SEH1L: variants seen among roughly 807,000 people sequenced by gnomAD.
The protein encoded by SEH1L is nucleoporin SEH1.
A neutral mutation model predicts 49.5 loss-of-function variants in SEH1L; 18 were observed. The ratio of observed to expected loss-of-function variants is 0.36; its 90% CI spans 0.25 to 0.54. The LOEUF (loss-of-function observed/expected upper bound fraction) is 0.54, where lower values mean the gene tolerates loss of function less well. Ranked by LOEUF, SEH1L falls within the 20% of genes least tolerant of loss-of-function variation. SEH1L has a pLI of 0.87. For synonymous variants in SEH1L, 169 were observed against 178.1 expected, an observed-to-expected ratio of 0.95 and a Z score of 0.41; for missense variants, 404 against 528.8, an observed-to-expected ratio of 0.76 and a Z score of 2.31.
Position 12,980,997 on chromosome 18 carries a change from G to A in SEH1L, c.762-1521G>A, listed in dbSNP as rs543994294. Among the ~76,000 whole-genome samples the A allele has an allele frequency of 7.9e-3, 1,194 of 151,094 alleles. 14 individuals are homozygous for A. Among genetic ancestry groups the A allele is most frequent in the African/African-American group, 0.028 (1,144 of 41,128 alleles). ...TCACTTCCCAGACGGGGTGGCTGCCGGGCGGAGGGGCTCCTCACTTCTCAG... is the reference window on the plus strand; with the variant it reads ...TCACTTCCCAGACGGGGTGGCTGCCAGGCGGAGGGGCTCCTCACTTCTCAG... On this transcript the variant is annotated intron_variant, in intron 6 of 8. Coordinates refer to ENST00000399892, the MANE Select transcript of SEH1L (RefSeq NM_001013437.2).
At chr18:12,970,391 C>T (rs1309521165) in intron 4 of SEH1L, among the ~76,000 whole-genome samples, 1 of 152,112 alleles carries the variant, frequency 6.6e-6, no homozygotes, top group Non-Finnish European at 1.5e-5. Flanking sequence ...TAGTCTTTTC[C>T]ACTTTTCCCC....
chr18:12,986,135 A>G (rs2032448673), intron 8 of SEH1L: 4 of 984,418 alleles, frequency 4.1e-6, no homozygotes, highest in Admixed American at 6.1e-5. Context: ...CCATGTCTCA[A>G]GATTTTCTTA....
chr18:12,974,338 G>A (rs1271863658), intron 5 of SEH1L: 1 of 151,988 alleles, frequency 6.6e-6, no homozygotes, highest in Non-Finnish European at 1.5e-5. Flanking sequence ...AGAGTGCAGT[G>A]GCGCAACCTT....
intron 6 of SEH1L, among the ~76,000 whole-genome samples, chr18:12,979,707 C>T (rs1818013437): frequency 6.7e-6 from 1 of 150,068 alleles, no homozygotes; most frequent in Non-Finnish European, 1.5e-5. Context: ...GCTGACCCCC[C>T]CACCTCCCTC....
At chr18:12,986,365 G>A (rs2032456642) in intron 8 of SEH1L, 5 of 985,388 alleles carry the variant, frequency 5.1e-6, no homozygotes, top group Non-Finnish European at 6.0e-6. Context: ...TTCAATGTTT[G>A]TAGTTCTTCA....
Position 12,963,147 on chromosome 18 carries a change from A to AT in SEH1L, c.310-3dup, listed in dbSNP as rs35999381. 1,948 of 1,443,644 alleles carry AT rather than the reference A, an allele frequency of 1.3e-3. 1 individual carries two copies. Among genetic ancestry groups the AT allele is most frequent in the African/African-American group, 2.3e-3 (156 of 68,444 alleles). The allele number at this position is 1,443,644 out of a possible 1,614,324, so 89.4% of individuals were successfully genotyped here. A position where few individuals can be genotyped will look rare whatever the true frequency, so the allele number is the denominator to read the frequency against. Reference sequence around the variant, plus strand: ...TTTGTATATAATTTAAATTGTTATTATTTTTTTTTTAGGTTAAAAGGACAA... The same window carrying AT: ...TTTGTATATAATTTAAATTGTTATTATTTTTTTTTTTAGGTTAAAAGGACAA... On this transcript the variant is annotated splice_polypyrimidine_tract_variant and intron_variant, in intron 3 of 8. Transcript: ENST00000399892.
intron 1 of SEH1L, 62 bp downstream of exon 1, chr18:12,948,294 G>A: frequency 8.1e-7 from 1 of 1,229,542 alleles, no homozygotes; most frequent in South Asian, 1.2e-5. Flanking sequence ...TGGGTGGGCG[G>A]CGCGGGGAAC....
At chr18:12,980,874 A>AC (rs1212083856) in intron 6 of SEH1L, among the ~76,000 whole-genome samples, 47 of 101,934 alleles carry the variant, frequency 4.6e-4, no homozygotes, top group African/African-American at 1.1e-3. Context: ...CGGGGGGCTG[A>AC]CCCCCCCCAC....
At chr18:12,956,235 G>A (rs929057851) in intron 3 of SEH1L, among the ~76,000 whole-genome samples, 7 of 151,716 alleles carry the variant, frequency 4.6e-5, no homozygotes, top group Admixed American at 1.3e-4. Flanking sequence ...TAGTAGAGAC[G>A]GGGTTTCACT....
chr18:12,949,508 G>A (rs1302161576), intron 1 of SEH1L, among the ~76,000 whole-genome samples: 1 of 137,480 alleles, frequency 7.3e-6, no homozygotes, highest in Admixed American at 7.5e-5. Context: ...GCTGGAGTGG[G>A]GTGGCGCAAT....
intron 8 of SEH1L, chr18:12,985,437 G>C: frequency 7.6e-7 from 1 of 1,319,434 alleles, no homozygotes. Flanking sequence ...TTTTGTACTA[G>C]TCAGTTTATT....
At chr18:12,983,878 T>C (rs1045924678) in intron 7 of SEH1L, among the ~76,000 whole-genome samples, 162 bp from the exon 8 acceptor site, 14 of 152,246 alleles carry the variant, frequency 9.2e-5, no homozygotes, top group South Asian at 2.1e-4. Flanking sequence ...TGAGATAATA[T>C]GTCTTTCATT....
rs1203111947 is a variant in SEH1L at position 12,958,991 on chromosome 18, C to G, written c.309+3382C>G. Among the ~76,000 whole-genome samples, 3 of 152,270 alleles carry G rather than the reference C, an allele frequency of 2.0e-5. No homozygotes were observed. The East Asian group carries it at 5.8e-4, about 29-fold the overall frequency. On this transcript the variant is annotated intron_variant, in intron 3 of 8. Transcript: ENST00000399892. ...CAATGCTCAAGGGTTCCAGTTTTTC[C>G]AAATCTTCATCAGCACTTGTTGTGG...
Position 12,982,578 on chromosome 18 carries a change from C to T in SEH1L, c.822C>T (p.Phe274=), listed in dbSNP as rs918300329. Reference sequence around the variant, plus strand: ...TTGAAATCCATATAGTGGCTCAGTTCGATAATCATAATTCTCAGGTCTGGC... The same window carrying T: ...TTGAAATCCATATAGTGGCTCAGTTTGATAATCATAATTCTCAGGTCTGGC... ...TKFEIHIVAQ[F]DNHNSQVWRV... The change falls in exon 7 of 9, where the codon TTC becomes TTT. Residue 274 remains phenylalanine (F), a synonymous_variant. Transcript: ENST00000399892. 2.0e-5 allele frequency: 33 copies of T among 1,613,446 alleles called. No homozygotes were observed. In the East Asian group the frequency reaches 5.3e-4, roughly 26 times the overall value.
rs369139415 is a variant in SEH1L at position 12,962,267 on chromosome 18, C to T, written c.310-893C>T. ...AAGAAAAATTAGCTGGGCATGGTGGCAGGTGCCTGTCATCCCAGCTACTGG... is the reference window on the plus strand; with the variant it reads ...AAGAAAAATTAGCTGGGCATGGTGGTAGGTGCCTGTCATCCCAGCTACTGG... On this transcript the variant is annotated intron_variant, in intron 3 of 8. Coordinates refer to ENST00000399892, the MANE Select transcript of SEH1L (RefSeq NM_001013437.2). Among the ~76,000 whole-genome samples the T allele has an allele frequency of 2.6e-5, 4 of 151,542 alleles. No homozygotes were observed. In the East Asian group the frequency reaches 5.9e-4, roughly 22 times the overall value.
In SEH1L at chr18:12,965,264, G is replaced by A. The variant is rs578253478; in HGVS notation, c.521+1893G>A. On this transcript the variant is annotated intron_variant, in intron 4 of 8. Transcript: ENST00000399892. ...CCTGACCTTGTGATCCGCCCACCTC[G>A]GCCTCCCAAACTGCTGGGATTACAG... 9.9e-4 allele frequency among the ~76,000 whole-genome samples: 150 copies of A among 152,038 alleles called. 1 individual carries two copies. The highest frequency in any genetic ancestry group is 3.4e-3 in the African/African-American group (142 of 41,500).
At chr18:12,975,762 G>A (rs745333983) in intron 5 of SEH1L, 39 of 987,150 alleles carry the variant, frequency 4.0e-5, no homozygotes, top group Non-Finnish European at 4.7e-5. Context: ...GTGTGGACTG[G>A]GAGCAGGAAC....
At chr18:12,979,974 G>A (rs1177299834) in intron 6 of SEH1L, among the ~76,000 whole-genome samples, 7 of 135,728 alleles carry the variant, frequency 5.2e-5, no homozygotes, top group South Asian at 4.8e-4. Flanking sequence ...CTCACCTCCC[G>A]GACGGGGCGG....
intron 8 of SEH1L, chr18:12,985,565 G>C: frequency 9.0e-7 from 1 of 1,114,682 alleles, no homozygotes; most frequent in South Asian, 3.7e-5. Context: ...TAAAAGGGTT[G>C]TTACCATTCT....
Sources: allele counts gnomAD v4.1 joint callset (sites outside exome capture counted in the v4.1 genomes callset), GRCh38; gene constraint gnomAD v4.1.1; transcripts MANE v1.5; gene names NCBI Gene and HGNC (gene_info 2026-07-23, HGNC 2026-07-21).